The following DECR1 variants were observed in gnomAD, a reference collection of about 807,000 sequenced individuals.
DECR1 encodes 2,4-dienoyl-CoA reductase 1.
Under a neutral mutation model 38.8 loss-of-function variants are expected in DECR1, and 44 were observed. That is an observed-to-expected ratio of 1.13 (90% CI 0.89 to 1.46). The LOEUF (loss-of-function observed/expected upper bound fraction) is 1.46, where lower values mean the gene tolerates loss of function less well. Ranked by LOEUF, DECR1 falls within the 40% of genes most tolerant of loss-of-function variation. The probability of loss-of-function intolerance (pLI) is 0.00; values close to 1 mark genes in which losing one functional copy is unlikely to be tolerated. For missense variants in DECR1, 428 were observed against 405.5 expected (o/e 1.06, Z -0.48); for synonymous variants, 148 against 135.2 (o/e 1.09, Z -0.66).
chr8:90,037,100 G>T, intron 6 of DECR1, 160 bp downstream of exon 6: 1 of 586,144 alleles, frequency 1.7e-6, no homozygotes. Context: ...AGTCCTATTT[G>T]TCTATAGCAG....
intron 5 of DECR1, among the ~76,000 whole-genome samples, chr8:90,022,209 G>C (rs1813181379): frequency 6.6e-6 from 1 of 152,128 alleles, no homozygotes; most frequent in Non-Finnish European, 1.5e-5. Flanking sequence ...AGAGGGCATG[G>C]AGCTGGCTAG....
chr8:90,045,627 G>T (rs1225392186), intron 8 of DECR1, among the ~76,000 whole-genome samples: 1 of 152,200 alleles, frequency 6.6e-6, no homozygotes, highest in African/African-American at 2.4e-5. Flanking sequence ...CTGAACAAAA[G>T]GCAGCAGAAA....
chr8:90,004,352 GAA>G (rs547488325), intron 1 of DECR1, among the ~76,000 whole-genome samples: 1 of 84,778 alleles, frequency 1.2e-5, no homozygotes. Flanking sequence ...ATCTCAAAAA[GAA>G]AAAAAAAAAA....
At chr8:90,031,254 A>G (rs1222807959) in intron 5 of DECR1, among the ~76,000 whole-genome samples, 1 of 152,148 alleles carries the variant, frequency 6.6e-6, no homozygotes, top group Admixed American at 6.6e-5. Flanking sequence ...TAGTGTCTAT[A>G]AAGTGTTAAG....
intron 1 of DECR1, among the ~76,000 whole-genome samples, chr8:90,008,185 T>G (rs717873): frequency 0.069 from 10,451 of 152,260 alleles, 1,087 homozygotes; most frequent in African/African-American, 0.22. Flanking sequence ...ATGCTCCAAC[T>G]TGGTCTTCTC....
Position 90,052,847 on chromosome 8 carries a change from C to T in DECR1, c.*950C>T, listed in dbSNP as rs1197274420. On this transcript the variant is annotated 3_prime_UTR_variant, in exon 10 of 10. Transcript: ENST00000220764. ...TTGCTTTCCCAGGAGTCAGTTACAACATGTTCACTAGACTGACTATCCCCA... is the reference window on the plus strand; with the variant it reads ...TTGCTTTCCCAGGAGTCAGTTACAATATGTTCACTAGACTGACTATCCCCA... Among the ~76,000 whole-genome samples the T allele has an allele frequency of 2.0e-5, 3 of 152,126 alleles. No individual in the cohort carries two copies. Among genetic ancestry groups the T allele is most frequent in the Non-Finnish European group, 2.9e-5 (2 of 68,022 alleles).
chr8:90,026,609 T>A (rs112083245), intron 5 of DECR1, among the ~76,000 whole-genome samples: 3 of 152,198 alleles, frequency 2.0e-5, no homozygotes, highest in Non-Finnish European at 4.4e-5. Context: ...TTGATTCTTC[T>A]CTCTTTTCTT....
intron 5 of DECR1, among the ~76,000 whole-genome samples, chr8:90,025,723 T>C (rs1347947366): frequency 6.6e-6 from 1 of 152,308 alleles, no homozygotes; most frequent in Non-Finnish European, 1.5e-5. Flanking sequence ...TTCTTTCTCC[T>C]GCCTGATTGC....
chr8:90,018,891 C>T lies in DECR1; in HGVS notation c.273-18C>T, dbSNP rs774230213. 2 of 1,560,050 alleles carry T rather than the reference C, an allele frequency of 1.3e-6. No homozygotes were observed. The highest frequency in any genetic ancestry group is 1.8e-6 in the Non-Finnish European group (2 of 1,140,534). ...TTGAAAAATATAATATGAAGTCATA[C>T]AAGGTGTTTATTTCTAGGAAGATGG... On this transcript the variant is annotated intron_variant, in intron 2 of 9. Coordinates refer to ENST00000220764, the MANE Select transcript of DECR1 (RefSeq NM_001359.2).
intron 1 of DECR1, among the ~76,000 whole-genome samples, chr8:90,013,978 G>A (rs1812948419): frequency 6.6e-6 from 1 of 152,122 alleles, no homozygotes; most frequent in Non-Finnish European, 1.5e-5. Flanking sequence ...GTAGGAGAGG[G>A]ATGAGTATGG....
At chr8:90,033,975 T>C (rs538210016) in intron 5 of DECR1, among the ~76,000 whole-genome samples, 2 of 152,294 alleles carry the variant, frequency 1.3e-5, no homozygotes, top group African/African-American at 4.8e-5. Context: ...ATGTTCTACA[T>C]CCCTCCTCTT....
At chr8:90,007,970 A>G (rs952398672) in intron 1 of DECR1, among the ~76,000 whole-genome samples, 6 of 152,338 alleles carry the variant, frequency 3.9e-5, no homozygotes, top group African/African-American at 1.4e-4. Context: ...AAACCCTCAC[A>G]CTGCATTGTA....
At position 90,042,761 on chromosome 8, in the gene DECR1, G is replaced by A; in HGVS notation, c.699G>A (p.Met233Ile). 6.2e-7 allele frequency: 1 copy of A among 1,613,606 alleles called. No homozygotes were observed. Among genetic ancestry groups the A allele is most frequent in the Non-Finnish European group, 8.5e-7 (1 of 1,179,644 alleles). ...CAGCTGAATGGGGTAAATATGGAAT[G>A]CGATTCAATGTGATTCAACCAGGGC... The part of the protein sequence containing the change: ...SLAAEWGKYG[M>I]RFNVIQPGPI... Residue 233 changes from methionine (M) to isoleucine (I), a missense_variant, in exon 7 of 10, where the codon ATG becomes ATA. Met to Ile is a conservative substitution (Grantham distance 10). Transcript: ENST00000220764.
At chr8:90,027,554 TG>T (rs1813380619) in intron 5 of DECR1, among the ~76,000 whole-genome samples, 1 of 152,204 alleles carries the variant, frequency 6.6e-6, no homozygotes, top group Non-Finnish European at 1.5e-5. Flanking sequence ...CTGCTTTTTT[TG>T]TTTTCCATTT....
intron 1 of DECR1, among the ~76,000 whole-genome samples, chr8:90,005,024 G>A (rs1323575200): frequency 1.3e-5 from 2 of 152,216 alleles, no homozygotes; most frequent in South Asian, 4.1e-4. Context: ...GCTTCATGGA[G>A]GAGGTGGCCC....
intron 6 of DECR1, among the ~76,000 whole-genome samples, chr8:90,041,032 C>A (rs1002139725): frequency 2.0e-5 from 3 of 152,150 alleles, no homozygotes. Context: ...AGTTCTAGAT[C>A]CTTGAGGAAT....
chr8:90,006,222 C>T lies in DECR1; in HGVS notation c.69+4661C>T, dbSNP rs1430760977. Reference sequence around the variant, plus strand: ...GCCTGGAGTTGTACTACCTGAACTTCTCACAGTAGGGAGATGTCAGGACTG... The same window carrying T: ...GCCTGGAGTTGTACTACCTGAACTTTTCACAGTAGGGAGATGTCAGGACTG... On this transcript the variant is annotated intron_variant, in intron 1 of 9. Coordinates refer to ENST00000220764, the MANE Select transcript of DECR1 (RefSeq NM_001359.2). 26 of 704,124 alleles carry T rather than the reference C, an allele frequency of 3.7e-5. No homozygotes were observed. The East Asian group carries it at 6.2e-4, about 17-fold the overall frequency. 43.6% of individuals were successfully genotyped at this position (704,124 alleles called of 1,614,324 possible). A position where few individuals can be genotyped will look rare whatever the true frequency, so the allele number is the denominator to read the frequency against.
intron 6 of DECR1, among the ~76,000 whole-genome samples, chr8:90,038,515 A>G (rs555459974): frequency 2.8e-5 from 4 of 144,704 alleles, no homozygotes; most frequent in Non-Finnish European, 6.0e-5. Flanking sequence ...CTGGAGTGCA[A>G]TGGTGCCATC....
At chr8:90,032,761 C>T (rs1305134951) in intron 5 of DECR1, among the ~76,000 whole-genome samples, 2 of 152,150 alleles carry the variant, frequency 1.3e-5, no homozygotes, top group African/African-American at 4.8e-5. Flanking sequence ...GACCTACCGG[C>T]CGTTCAACAA....
Sources: gnomAD v4.1 joint callset for allele counts (sites outside exome capture counted in the v4.1 genomes callset) on GRCh38, gnomAD v4.1.1 for gene constraint, MANE v1.5 for transcripts, NCBI Gene and HGNC (gene_info 2026-07-23, HGNC 2026-07-21) for gene names.